SNRPE: variants seen among roughly 807,000 people sequenced by gnomAD.
SNRPE encodes small nuclear ribonucleoprotein E.
For synonymous variants in SNRPE, 35 were observed against 36.7 expected (o/e 0.95, Z 0.17); for missense variants, 53 against 111.6 (o/e 0.48, Z 2.36).
At chr1:203,868,957 C>T (rs1279053004) in intron 4 of SNRPE, among the ~76,000 whole-genome samples, 2 of 152,212 alleles carry the variant, frequency 1.3e-5, no homozygotes, top group African/African-American at 2.4e-5. Context: ...GTGTGAGCCA[C>T]CATACCCAGC....
intron 4 of SNRPE, among the ~76,000 whole-genome samples, chr1:203,869,218 C>T (rs1454402015): frequency 6.8e-6 from 1 of 147,266 alleles, no homozygotes; most frequent in Non-Finnish European, 1.5e-5. Context: ...ATAAATTTCT[C>T]AGAAAAGTAT....
At chr1:203,862,247 CT>C in intron 2 of SNRPE, 25 bp downstream of exon 2, 1 of 1,557,392 alleles carries the variant, frequency 6.4e-7, no homozygotes. Context: ...TGTTTCGTAA[CT>C]ACTTTTTAAA....
At chr1:203,866,935 T>C (rs1372393990) in intron 4 of SNRPE, among the ~76,000 whole-genome samples, 1 of 136,232 alleles carries the variant, frequency 7.3e-6, no homozygotes, top group East Asian at 2.2e-4. Context: ...TGATATTCCT[T>C]GTGTCTGTAG....
intron 4 of SNRPE, among the ~76,000 whole-genome samples, chr1:203,865,432 T>TTTG (rs1690066899): frequency 6.6e-6 from 1 of 152,178 alleles, no homozygotes; most frequent in South Asian, 2.1e-4. Context: ...CTTAAAGCGC[T>TTTG]TTGTTCCCGT....
intron 4 of SNRPE, among the ~76,000 whole-genome samples, chr1:203,866,835 A>C (rs1690096892): frequency 6.6e-6 from 1 of 151,938 alleles, no homozygotes; most frequent in Non-Finnish European, 1.5e-5. Flanking sequence ...CTCATCTCGT[A>C]TCACTGCCTC....
chr1:203,864,953 G>A (rs1690058851), intron 3 of SNRPE, 88 bp from the exon 4 acceptor site: 1 of 1,257,234 alleles, frequency 8.0e-7, no homozygotes. Flanking sequence ...TTTGAAGTTA[G>A]TTGGAGTTTT....
intron 2 of SNRPE, among the ~76,000 whole-genome samples, chr1:203,862,654 A>G (rs1321991076): frequency 6.6e-6 from 1 of 152,214 alleles, no homozygotes; most frequent in African/African-American, 2.4e-5. Flanking sequence ...CTTAAAGACG[A>G]AAAAAGGAAG....
chr1:203,867,696 G>A (rs1252909672), intron 4 of SNRPE, among the ~76,000 whole-genome samples: 2 of 152,156 alleles, frequency 1.3e-5, no homozygotes, highest in African/African-American at 4.8e-5. Flanking sequence ...GTGATGGGGA[G>A]TGGCTGTAAA....
At chr1:203,867,833 A>G (rs569299651) in intron 4 of SNRPE, among the ~76,000 whole-genome samples, 12 of 152,174 alleles carry the variant, frequency 7.9e-5, no homozygotes, top group Admixed American at 6.5e-4. Flanking sequence ...AAAAAGTTCA[A>G]AGTTTAATTT....
intron 4 of SNRPE, among the ~76,000 whole-genome samples, chr1:203,868,432 G>A (rs6678829): frequency 0.76 from 114,839 of 151,744 alleles, 43,541 homozygotes; most frequent in East Asian, 0.8. Context: ...AATCATTTCT[G>A]TTAACATCCC....
chr1:203,867,121 A>AC (rs58916106), intron 4 of SNRPE, among the ~76,000 whole-genome samples: 54,092 of 134,324 alleles, frequency 0.4, 10,884 homozygotes, highest in African/African-American at 0.47. Context: ...AAAAAAAAAA[A>AC]AAAAAAAAAT....
chr1:203,864,830 T>C (rs974744286), intron 3 of SNRPE, among the ~76,000 whole-genome samples: 1 of 144,760 alleles, frequency 6.9e-6, no homozygotes, highest in African/African-American at 2.5e-5. Flanking sequence ...TAAGCCGAGG[T>C]TGCACCACTG....
At chr1:203,866,676 C>T (rs1209345358) in intron 4 of SNRPE, among the ~76,000 whole-genome samples, 2 of 152,096 alleles carry the variant, frequency 1.3e-5, no homozygotes, top group Admixed American at 1.3e-4. Context: ...CTTTCCAGGC[C>T]TCACTCATCT....
chr1:203,868,562 A>G (rs1690142719), intron 4 of SNRPE, among the ~76,000 whole-genome samples: 1 of 152,264 alleles, frequency 6.6e-6, no homozygotes, highest in African/African-American at 2.4e-5. Flanking sequence ...TTCAACCTGA[A>G]CTAGATATAT....
At chr1:203,869,168 A>C (rs1371828777) in intron 4 of SNRPE, among the ~76,000 whole-genome samples, 1 of 152,158 alleles carries the variant, frequency 6.6e-6, no homozygotes, top group Non-Finnish European at 1.5e-5. Context: ...CGTGTCTCAA[A>C]CCGTTCTACC....
At chr1:203,862,300 A>G in intron 2 of SNRPE, 78 bp downstream of exon 2, 1 of 994,954 alleles carries the variant, frequency 1.0e-6, no homozygotes, top group South Asian at 1.3e-5. Flanking sequence ...AACCTGAGCG[A>G]TCGCTGTGTT....
chr1:203,866,166 C>T (rs912200214), intron 4 of SNRPE, among the ~76,000 whole-genome samples: 1 of 152,198 alleles, frequency 6.6e-6, no homozygotes, highest in African/African-American at 2.4e-5. Context: ...GTAGGGGCTG[C>T]TGGCCATCAG....
chr1:203,869,618 A>G (rs1316507052), intron 4 of SNRPE, among the ~76,000 whole-genome samples: 1 of 152,204 alleles, frequency 6.6e-6, no homozygotes, highest in Admixed American at 6.5e-5. Flanking sequence ...GAAATGTTGT[A>G]TGAGGCCTAT....
At chr1:203,862,933 A>T (rs1333882769) in intron 2 of SNRPE, among the ~76,000 whole-genome samples, 4 of 152,024 alleles carry the variant, frequency 2.6e-5, no homozygotes, top group Non-Finnish European at 5.9e-5. Flanking sequence ...AAAAACTTTC[A>T]CTCTTAATAG....
Sources: gnomAD v4.1 joint callset for allele counts (sites outside exome capture counted in the v4.1 genomes callset) on GRCh38, gnomAD v4.1.1 for gene constraint, MANE v1.5 for transcripts, NCBI Gene and HGNC (gene_info 2026-07-23, HGNC 2026-07-21) for gene names.